The following KCNG4 variants were observed in gnomAD, a reference collection of about 807,000 sequenced individuals.
The protein encoded by KCNG4 is potassium voltage-gated channel modifier subfamily G member 4.
In KCNG4, 30 loss-of-function variants were observed where a neutral mutation model predicts 28.2. The ratio of observed to expected loss-of-function variants is 1.06; its 90% CI spans 0.80 to 1.44. The LOEUF is 1.44. Ranked by LOEUF, KCNG4 falls within the 40% of genes most tolerant of loss-of-function variation. KCNG4 has a pLI of 0.00. For synonymous variants in KCNG4, 375 were observed against 315.5 expected (o/e 1.19, Z -2.00); for missense variants, 879 against 712.3 (o/e 1.23, Z -2.66).
chr16:84,228,691 G>A (rs1353209236), intron 2 of KCNG4, among the ~76,000 whole-genome samples: 1 of 152,094 alleles, frequency 6.6e-6, no homozygotes, highest in Non-Finnish European at 1.5e-5. Context: ...GAACCAACCG[G>A]ACGGGGTCAG....
In KCNG4 at chr16:84,222,116, G is replaced by T; in HGVS notation, c.*101C>A. ...CTCCAGCTTTGAAAGTCTTCCCTGG[G>T]CTCTAGAAACACCACCAGGTGGTCT... On this transcript the variant is annotated 3_prime_UTR_variant, in exon 3 of 3. Transcript: ENST00000308251. The T allele has an allele frequency of 3.3e-6, 4 of 1,229,014 alleles. No homozygotes were observed. Among genetic ancestry groups the T allele is most frequent in the Non-Finnish European group, 4.7e-6 (4 of 855,574 alleles). The allele number at this position is 1,229,014 out of a possible 1,614,324, so 76.1% of individuals were successfully genotyped here.
At chr16:84,231,326 G>A (rs1904821947) in intron 2 of KCNG4, among the ~76,000 whole-genome samples, 1 of 152,200 alleles carries the variant, frequency 6.6e-6, no homozygotes, top group Non-Finnish European at 1.5e-5. Context: ...AAAGATGCTG[G>A]CCCTTACCCT....
chr16:84,223,630 G>A (rs1011761900), intron 2 of KCNG4, among the ~76,000 whole-genome samples: 2 of 152,174 alleles, frequency 1.3e-5, no homozygotes. Flanking sequence ...AGCAGGCAGT[G>A]TGACCCCATT....
intron 2 of KCNG4, among the ~76,000 whole-genome samples, chr16:84,227,960 G>T (rs1050303663): frequency 6.6e-6 from 1 of 152,056 alleles, no homozygotes; most frequent in Non-Finnish European, 1.5e-5. Flanking sequence ...GCTCCACGAT[G>T]ATACTAAAGA....
chr16:84,236,752 T>C lies in KCNG4; in HGVS notation c.734A>G (p.Asp245Gly). The C allele has an allele frequency of 6.2e-7, 1 of 1,612,968 alleles. No homozygotes were observed. The highest frequency in any genetic ancestry group is 1.1e-5 in the South Asian group (1 of 91,016). Residue 245 changes from aspartate (D) to glycine (G), a missense_variant, in exon 2 of 3, where the codon GAC becomes GGC. Transcript: ENST00000308251. ...CACCTGGTCCTCCTCTGCCCTGAGG[T>C]CGGGCATGGTGCTGACACACAGGCT... is the stretch of plus-strand genomic sequence containing the variant. ...AVSLCVSTMP[D>G]LRAEEDQGEC... is the part of the protein sequence containing the mutation.
At chr16:84,236,705 G>A (rs368384976) in intron 2 of KCNG4, 25 bp downstream of exon 2, 18 of 1,587,950 alleles carry the variant, frequency 1.1e-5, no homozygotes, top group East Asian at 9.0e-5. Context: ...GGATGGAGCC[G>A]TGAATGCCAT....
rs181330677 is a variant in KCNG4 at position 84,220,831 on chromosome 16, C to G, written c.*1386G>C. Reference sequence around the variant, plus strand: ...CTGAATGGCTCAATGGCTCCTCATCCCAAACTGGGCTTCTCATGCCCAATC... The same window carrying G: ...CTGAATGGCTCAATGGCTCCTCATCGCAAACTGGGCTTCTCATGCCCAATC... On this transcript the variant is annotated 3_prime_UTR_variant, in exon 3 of 3. Transcript: ENST00000308251. 6.6e-6 allele frequency: 1 copy of G among 152,276 alleles called. No individual in the cohort carries two copies. Among genetic ancestry groups the G allele is most frequent in the Non-Finnish European group, 1.5e-5 (1 of 68,108 alleles). The allele number at this position is 152,276 out of a possible 1,614,324, so 9.4% of individuals were successfully genotyped here. A position where few individuals can be genotyped will look rare whatever the true frequency, so the allele number is the denominator to read the frequency against.
intron 2 of KCNG4, among the ~76,000 whole-genome samples, chr16:84,233,361 A>C (rs1904870753): frequency 6.6e-6 from 1 of 152,184 alleles, no homozygotes; most frequent in Non-Finnish European, 1.5e-5. Flanking sequence ...TAGAAGCACA[A>C]AATGGCCCTG....
rs527312644 is a variant in KCNG4, at chr16:84,220,162, C to G, written c.*2055G>C. ...GTGCCTGTGACATGGAATTTCTACGCAACGCTTATGGGAATCTGCCTGTCA... is the reference window on the plus strand; with the variant it reads ...GTGCCTGTGACATGGAATTTCTACGGAACGCTTATGGGAATCTGCCTGTCA... On this transcript the variant is annotated 3_prime_UTR_variant, in exon 3 of 3. Coordinates refer to ENST00000308251, the MANE Select transcript of KCNG4 (RefSeq NM_172347.3). The G allele has an allele frequency of 6.6e-6, 1 of 152,304 alleles. No homozygotes were observed. The highest frequency in any genetic ancestry group is 1.9e-4 in the East Asian group (1 of 5,188). 9.4% of individuals were successfully genotyped at this position (152,304 alleles called of 1,614,324 possible).
At chr16:84,224,409 C>CACACACACACAT (rs371675220) in intron 2 of KCNG4, among the ~76,000 whole-genome samples, 10,489 of 108,586 alleles carry the variant, frequency 0.097, 714 homozygotes, top group African/African-American at 0.21. Flanking sequence ...TATTTACACA[C>CACACACACACAT]ACACACACAC....
Position 84,221,921 on chromosome 16 carries a change from T to G in KCNG4, c.*296A>C. On this transcript the variant is annotated 3_prime_UTR_variant, in exon 3 of 3. Coordinates refer to ENST00000308251, the MANE Select transcript of KCNG4 (RefSeq NM_172347.3). ...CAGCCTGGGATGTTAAAGCCTCTGC[T>G]GGGAAGGAAAAGAGAATGAAAGGAG... 1 of 400,154 alleles carries G rather than the reference T, an allele frequency of 2.5e-6. No individual in the cohort carries two copies. The highest frequency in any genetic ancestry group is 4.5e-6 in the Non-Finnish European group (1 of 221,794). 24.8% of individuals were successfully genotyped at this position (400,154 alleles called of 1,614,324 possible).
At chr16:84,230,998 C>T (rs1048775605) in intron 2 of KCNG4, among the ~76,000 whole-genome samples, 8 of 152,168 alleles carry the variant, frequency 5.3e-5, no homozygotes, top group Admixed American at 2.0e-4. Context: ...ATGGAGAGGA[C>T]ATTTGAGCCA....
chr16:84,236,960 C>CCAGCTCCTT lies in KCNG4; in HGVS notation c.525_526insAAGGAGCTG (p.Leu175_Ala176insLysGluLeu). On this transcript the variant is annotated inframe_insertion, in exon 2 of 3. Transcript: ENST00000308251. ...AGTACGTCCTCCCTGTGCAGCTTGGCCAGCTCCTCCAGCTCCTCCAGCTTC... is the reference window on the plus strand; with the variant it reads ...AGTACGTCCTCCCTGTGCAGCTTGGCCAGCTCCTTCAGCTCCTCCAGCTCCTCCAGCTTC... 1 of 1,607,762 alleles carries CCAGCTCCTT rather than the reference C, an allele frequency of 6.2e-7. No individual in the cohort carries two copies. Among genetic ancestry groups the CCAGCTCCTT allele is most frequent in the Non-Finnish European group, 8.5e-7 (1 of 1,179,434 alleles).
intron 2 of KCNG4, 122 bp downstream of exon 2, chr16:84,236,608 G>C (rs1904955740): frequency 9.5e-7 from 1 of 1,047,732 alleles, no homozygotes. Flanking sequence ...ACCCATGTTG[G>C]ATAATATTCA....
chr16:84,221,912 A>G lies in KCNG4; in HGVS notation c.*305T>C. ...TCCAGAACCCAGCCTGGGATGTTAA[A>G]GCCTCTGCTGGGAAGGAAAAGAGAA... On this transcript the variant is annotated 3_prime_UTR_variant, in exon 3 of 3. Transcript: ENST00000308251. 1 of 378,886 alleles carries G rather than the reference A, an allele frequency of 2.6e-6. No individual in the cohort carries two copies. Among genetic ancestry groups the G allele is most frequent in the Admixed American group, 4.4e-5 (1 of 22,774 alleles). 23.5% of individuals were successfully genotyped at this position (378,886 alleles called of 1,614,324 possible). A position where few individuals can be genotyped will look rare whatever the true frequency, so the allele number is the denominator to read the frequency against.
chr16:84,236,405 C>T (rs1209142168), intron 2 of KCNG4: 1 of 444,666 alleles, frequency 2.2e-6, no homozygotes, highest in East Asian at 3.5e-5. Context: ...CGTGATTTGC[C>T]TGTAGTCACA....
In KCNG4 at chr16:84,226,108, C is replaced by A. The variant is rs1904690951; in HGVS notation, c.757-3088G>T. 6.6e-6 allele frequency among the ~76,000 whole-genome samples: 1 copy of A among 152,244 alleles called. No homozygotes were observed. The highest frequency in any genetic ancestry group is 1.5e-5 in the Non-Finnish European group (1 of 68,050). On this transcript the variant is annotated intron_variant, in intron 2 of 2. Transcript: ENST00000308251. The surrounding 1 kb of genome is among the most constrained non-coding windows in gnomAD (Gnocchi z 4.1). ...CTGGGCACACCGGGATGGTTGGTCA[C>A]CCTATTCCTAGCCCTTGCCACAGGC...
At position 84,226,711 on chromosome 16, in the gene KCNG4, G is replaced by A. The variant is rs747639893; in HGVS notation, c.757-3691C>T. On this transcript the variant is annotated intron_variant, in intron 2 of 2. Transcript: ENST00000308251. This position sits in a 1 kb window ranked among gnomAD's most constrained non-coding sequence, Gnocchi z 4.1. ...CTGACCAATATGGTGAAACCTTGTC[G>A]CTACTAAAAATACAAAAATTAGCCA... Among the ~76,000 whole-genome samples, 6 of 101,590 alleles carry A rather than the reference G, an allele frequency of 5.9e-5. No individual in the cohort carries two copies. Among genetic ancestry groups the A allele is most frequent in the Admixed American group, 1.8e-4 (2 of 10,852 alleles). 66.6% of individuals were successfully genotyped at this position (101,590 alleles called of 152,430 possible). A position where few individuals can be genotyped will look rare whatever the true frequency, so the allele number is the denominator to read the frequency against.
intron 2 of KCNG4, among the ~76,000 whole-genome samples, chr16:84,227,354 A>G (rs1597617391): frequency 6.6e-6 from 1 of 152,198 alleles, no homozygotes; most frequent in South Asian, 2.1e-4. Context: ...AGGCGGGTGG[A>G]TCACCTGGGG....
Sources: allele counts gnomAD v4.1 joint callset (sites outside exome capture counted in the v4.1 genomes callset), GRCh38; gene constraint gnomAD v4.1.1; non-coding constraint Gnocchi (gnomAD v3.1); transcripts MANE v1.5; gene names NCBI Gene and HGNC (gene_info 2026-07-23, HGNC 2026-07-21).